The following ARHGAP42 variants were observed in gnomAD, a reference collection of about 807,000 sequenced individuals.
ARHGAP42 encodes the protein rho GTPase-activating protein 42.
ARHGAP42 carries 63 observed loss-of-function variants against 125.0 expected under a neutral mutation model. The observed-to-expected ratio is 0.50, with a 90% CI of 0.41 to 0.62. The LOEUF is 0.62. Among genes scored for constraint, ARHGAP42 ranks in the 20% least tolerant of loss-of-function variants. The pLI is 0.00. For missense variants in ARHGAP42, 766 were observed against 1,024.2 expected (o/e 0.75, Z 3.44); for synonymous variants, 339 against 351.0 (o/e 0.97, Z 0.38).
intron 4 of ARHGAP42, among the ~76,000 whole-genome samples, chr11:100,902,253 G>A (rs567100886): frequency 6.6e-5 from 10 of 152,228 alleles, no homozygotes; most frequent in Admixed American, 2.0e-4. Flanking sequence ...TTTGAGAAAG[G>A]TGTTGTGTTT....
At chr11:100,929,836 A>G (rs777797913) in intron 6 of ARHGAP42, among the ~76,000 whole-genome samples, 56 of 152,192 alleles carry the variant, frequency 3.7e-4, no homozygotes, top group Non-Finnish European at 5.7e-4. Context: ...TTGTAAATAT[A>G]TTCTCCCATT....
intron 12 of ARHGAP42, among the ~76,000 whole-genome samples, chr11:100,950,410 T>A (rs1455962649): frequency 6.6e-6 from 1 of 150,666 alleles, no homozygotes; most frequent in Non-Finnish European, 1.5e-5. Flanking sequence ...AGCTTCTTTG[T>A]CTTATTTTCT....
At chr11:100,874,154 G>A (rs1865758674) in intron 4 of ARHGAP42, among the ~76,000 whole-genome samples, 1 of 152,098 alleles carries the variant, frequency 6.6e-6, no homozygotes, top group African/African-American at 2.4e-5. Context: ...CGGATGTTCA[G>A]AGCTGGACGT....
At chr11:100,960,551 G>T (rs1591323538) in intron 13 of ARHGAP42, among the ~76,000 whole-genome samples, 1 of 152,186 alleles carries the variant, frequency 6.6e-6, no homozygotes, top group East Asian at 1.9e-4. Flanking sequence ...TCTCTAAAAT[G>T]AAGATATAAA....
At chr11:100,813,636 G>C (rs571090229) in intron 3 of ARHGAP42, among the ~76,000 whole-genome samples, 12 of 152,160 alleles carry the variant, frequency 7.9e-5, no homozygotes, top group East Asian at 1.9e-4. Context: ...GACTCTCCAG[G>C]GTCCGCCATG....
intron 7 of ARHGAP42, among the ~76,000 whole-genome samples, chr11:100,935,677 C>CACAG (rs143859109): frequency 0.18 from 26,683 of 146,376 alleles, 3,923 homozygotes; most frequent in African/African-American, 0.41. Flanking sequence ...CACACACACA[C>CACAG]AGAGAGAGAG....
At chr11:100,898,534 A>T (rs2135204307) in intron 4 of ARHGAP42, among the ~76,000 whole-genome samples, 1 of 152,290 alleles carries the variant, frequency 6.6e-6, no homozygotes, top group Middle Eastern at 3.4e-3. Flanking sequence ...TTATTGGTCT[A>T]TTCAGAGATT....
chr11:100,796,462 T>G (rs1299297570), intron 3 of ARHGAP42, among the ~76,000 whole-genome samples: 1 of 152,204 alleles, frequency 6.6e-6, no homozygotes, highest in Non-Finnish European at 1.5e-5. Context: ...GGAAGTGTCA[T>G]GTGTCTCTCA....
intron 3 of ARHGAP42, among the ~76,000 whole-genome samples, chr11:100,824,129 G>A (rs57657599): frequency 0.16 from 24,677 of 152,144 alleles, 2,143 homozygotes; most frequent in Middle Eastern, 0.22. Flanking sequence ...GAATGCACTT[G>A]CATATCCCCC....
intron 4 of ARHGAP42, among the ~76,000 whole-genome samples, chr11:100,873,938 T>G (rs1365515261): frequency 1.3e-5 from 2 of 152,232 alleles, no homozygotes; most frequent in Non-Finnish European, 2.9e-5. Context: ...ATGAGCAATG[T>G]GAAAGGCTGG....
intron 22 of ARHGAP42, among the ~76,000 whole-genome samples, chr11:100,979,698 A>AT (rs1429096432): frequency 5.7e-5 from 5 of 88,448 alleles, no homozygotes; most frequent in African/African-American, 1.9e-4. Context: ...GAGGCTTTTC[A>AT]TTATTTTTTT....
intron 6 of ARHGAP42, among the ~76,000 whole-genome samples, chr11:100,928,656 T>G (rs1591301676): frequency 6.6e-6 from 1 of 152,146 alleles, no homozygotes; most frequent in East Asian, 1.9e-4. Flanking sequence ...AACTATACAA[T>G]TCAATGGAAC....
intron 6 of ARHGAP42, among the ~76,000 whole-genome samples, chr11:100,932,092 T>C (rs1325067291): frequency 6.6e-6 from 1 of 152,198 alleles, no homozygotes; most frequent in Non-Finnish European, 1.5e-5. Context: ...TTGACTTGTT[T>C]GTAGGAAGAA....
At chr11:100,775,053 G>C (rs1301600746) in intron 2 of ARHGAP42, among the ~76,000 whole-genome samples, 1 of 151,936 alleles carries the variant, frequency 6.6e-6, no homozygotes, top group African/African-American at 2.4e-5. Flanking sequence ...TTTCATTGAA[G>C]AGCATCAAGA....
chr11:100,961,846 G>C (rs77998334), intron 15 of ARHGAP42, 78 bp downstream of exon 15: 62,377 of 1,224,072 alleles, frequency 0.051, 2,540 homozygotes, highest in East Asian at 0.22. Flanking sequence ...TGATTTCTTG[G>C]AGCCTGTGTC....
chr11:100,758,050 T>A (rs1862616279), intron 1 of ARHGAP42, among the ~76,000 whole-genome samples: 1 of 152,206 alleles, frequency 6.6e-6, no homozygotes, highest in Non-Finnish European at 1.5e-5. Context: ...TTATCTAATA[T>A]TAAACACTTT....
chr11:100,744,492 T>A (rs924061191), intron 1 of ARHGAP42, among the ~76,000 whole-genome samples: 1 of 152,096 alleles, frequency 6.6e-6, no homozygotes, highest in Non-Finnish European at 1.5e-5. Context: ...CTCATTTGGG[T>A]AGAGTATTAC....
At chr11:100,703,439 C>T (rs1861430179) in intron 1 of ARHGAP42, among the ~76,000 whole-genome samples, 2 of 151,672 alleles carry the variant, frequency 1.3e-5, no homozygotes, top group Non-Finnish European at 2.9e-5. Flanking sequence ...GGAATTATTT[C>T]AGCTTTTTAC....
intron 19 of ARHGAP42, among the ~76,000 whole-genome samples, chr11:100,974,892 G>A (rs913994093): frequency 1.3e-5 from 2 of 152,044 alleles, no homozygotes; most frequent in African/African-American, 2.4e-5. Flanking sequence ...CTGTCCTATT[G>A]TCAAAGTGGT....
Sources: allele counts gnomAD v4.1 joint callset (sites outside exome capture counted in the v4.1 genomes callset), GRCh38; gene constraint gnomAD v4.1.1; transcripts MANE v1.5; gene names NCBI Gene and HGNC (gene_info 2026-07-23, HGNC 2026-07-21).